Variants in SUCLG2 observed in about 807,000 individuals in gnomAD.
SUCLG2 encodes the protein succinate--CoA ligase [GDP-forming] subunit beta, mitochondrial.
A neutral mutation model predicts 47.9 loss-of-function variants in SUCLG2; 42 were observed. The observed-to-expected ratio is 0.88, with a 90% CI of 0.69 to 1.14. The LOEUF is 1.14. Ranked by LOEUF, SUCLG2 falls within the 50% of genes most tolerant of loss-of-function variation. SUCLG2 has a pLI of 0.00. For missense variants in SUCLG2, 571 were observed against 525.9 expected (o/e 1.09, Z -0.84); for synonymous variants, 195 against 197.3 (o/e 0.99, Z 0.10).
chr3:67,475,988 C>CCTCTCTCTCTCTCTCTCTCTCTCT (rs113119377), intron 9 of SUCLG2, among the ~76,000 whole-genome samples: 29 of 146,124 alleles, frequency 2.0e-4, no homozygotes, highest in African/African-American at 7.0e-4. Flanking sequence ...TTTCCTTCTC[C>CCTCTCTCTCTCTCTCTCTCTCTCT]CTCTCTCTCT....
intron 7 of SUCLG2, among the ~76,000 whole-genome samples, chr3:67,504,262 G>T (rs1705580069): frequency 6.6e-6 from 1 of 151,724 alleles, no homozygotes; most frequent in Non-Finnish European, 1.5e-5. Flanking sequence ...TAGGGGGGTT[G>T]GGGGAGGTAG....
At chr3:67,554,156 T>C (rs1293006432) in intron 2 of SUCLG2, among the ~76,000 whole-genome samples, 1 of 152,160 alleles carries the variant, frequency 6.6e-6, no homozygotes, top group Non-Finnish European at 1.5e-5. Flanking sequence ...CCAAGACAAA[T>C]GGGAAGCCCC....
At chr3:67,619,851 C>G (rs183249566) in intron 1 of SUCLG2, among the ~76,000 whole-genome samples, 1 of 152,262 alleles carries the variant, frequency 6.6e-6, no homozygotes, top group East Asian at 1.9e-4. Flanking sequence ...ATTAGCACAA[C>G]AGCAGAAACA....
chr3:67,366,327 G>A (rs561972273), intron 10 of SUCLG2, among the ~76,000 whole-genome samples: 1 of 152,186 alleles, frequency 6.6e-6, no homozygotes, highest in South Asian at 2.1e-4. Flanking sequence ...CTGAGCGAAA[G>A]AGCAAGACTC....
At chr3:67,447,753 G>T (rs181417592) in intron 9 of SUCLG2, among the ~76,000 whole-genome samples, 4 of 152,116 alleles carry the variant, frequency 2.6e-5, no homozygotes, top group East Asian at 3.9e-4. Flanking sequence ...TTATTGAGAC[G>T]GAGTCTTGCT....
At chr3:67,391,664 C>A (rs1702386204) in intron 10 of SUCLG2, among the ~76,000 whole-genome samples, 2 of 152,040 alleles carry the variant, frequency 1.3e-5, no homozygotes, top group Non-Finnish European at 2.9e-5. Flanking sequence ...AATATTAGAG[C>A]CCAAGATTTG....
intron 10 of SUCLG2, among the ~76,000 whole-genome samples, chr3:67,396,499 A>G (rs925838330): frequency 6.6e-6 from 1 of 152,188 alleles, no homozygotes; most frequent in African/African-American, 2.4e-5. Flanking sequence ...GAATAGACCA[A>G]TAACAGGCTC....
chr3:67,496,581 C>T (rs981065554), intron 8 of SUCLG2, among the ~76,000 whole-genome samples: 1 of 152,088 alleles, frequency 6.6e-6, no homozygotes, highest in Non-Finnish European at 1.5e-5. Context: ...ATTCTTATCC[C>T]CTTGTTCCTC....
At chr3:67,472,174 CTAATT>C (rs1262587316) in intron 9 of SUCLG2, among the ~76,000 whole-genome samples, 1 of 152,148 alleles carries the variant, frequency 6.6e-6, no homozygotes, top group Non-Finnish European at 1.5e-5. Flanking sequence ...TTCTTGGACT[CTAATT>C]TGAGGCATTG....
intron 2 of SUCLG2, among the ~76,000 whole-genome samples, chr3:67,601,075 GA>G (rs1308227395): frequency 6.6e-6 from 1 of 151,828 alleles, no homozygotes; most frequent in Non-Finnish European, 1.5e-5. Flanking sequence ...TAATATTTTG[GA>G]AAAAAATTTA....
At chr3:67,584,810 G>C (rs1040921401) in intron 2 of SUCLG2, among the ~76,000 whole-genome samples, 2 of 152,140 alleles carry the variant, frequency 1.3e-5, no homozygotes, top group African/African-American at 4.8e-5. Context: ...GAAGTGCCGG[G>C]CAAAGCAGGA....
intron 1 of SUCLG2, among the ~76,000 whole-genome samples, chr3:67,630,659 G>A (rs544403174): frequency 3.7e-4 from 57 of 152,278 alleles, no homozygotes; most frequent in Non-Finnish European, 6.9e-4. Context: ...ACCAACCAGT[G>A]CTCCCACAAG....
At chr3:67,565,293 A>G (rs575323379) in intron 2 of SUCLG2, among the ~76,000 whole-genome samples, 2 of 152,344 alleles carry the variant, frequency 1.3e-5, no homozygotes, top group South Asian at 4.1e-4. Flanking sequence ...TGATTTATAT[A>G]GAGTTAGTAA....
chr3:67,433,979 T>C (rs1703553003), intron 9 of SUCLG2, among the ~76,000 whole-genome samples: 1 of 152,178 alleles, frequency 6.6e-6, no homozygotes. Flanking sequence ...CTCTGTCTAA[T>C]TGAGCCATGA....
downstream of SUCLG2, among the ~76,000 whole-genome samples, chr3:67,371,200 CA>C (rs1287331166): frequency 6.6e-6 from 1 of 151,996 alleles, no homozygotes; most frequent in Non-Finnish European, 1.5e-5. Context: ...TCTACAAACA[CA>C]AGGGAGGAAC....
At chr3:67,611,277 T>A (rs1446887886) in intron 1 of SUCLG2, among the ~76,000 whole-genome samples, 1 of 152,212 alleles carries the variant, frequency 6.6e-6, no homozygotes, top group Non-Finnish European at 1.5e-5. Flanking sequence ...TGCCTATACT[T>A]CTTCTTTAGA....
intron 1 of SUCLG2, among the ~76,000 whole-genome samples, chr3:67,612,661 TC>T (rs1263063548): frequency 3.9e-5 from 6 of 152,210 alleles, no homozygotes; most frequent in African/African-American, 1.2e-4. Flanking sequence ...AGAAATATCC[TC>T]GGTCTTCTTC....
chr3:67,526,748 A>C (rs1384594508), intron 4 of SUCLG2, among the ~76,000 whole-genome samples: 1 of 152,236 alleles, frequency 6.6e-6, no homozygotes, highest in African/African-American at 2.4e-5. Flanking sequence ...TGCTGATGGC[A>C]ATGTAAAATG....
chr3:67,540,402 T>C (rs1706670784), intron 2 of SUCLG2, among the ~76,000 whole-genome samples: 2 of 152,180 alleles, frequency 1.3e-5, no homozygotes, highest in East Asian at 2.0e-4. Context: ...TAGGTGGTTT[T>C]CCCCTAGTAG....
Sources: gnomAD v4.1 joint callset for allele counts (sites outside exome capture counted in the v4.1 genomes callset) on GRCh38, gnomAD v4.1.1 for gene constraint, MANE v1.5 for transcripts, NCBI Gene and HGNC (gene_info 2026-07-23, HGNC 2026-07-21) for gene names.